Variants in SLC24A3 observed in about 807,000 individuals in gnomAD.
SLC24A3 encodes the protein sodium/potassium/calcium exchanger 3.
Under a neutral mutation model 75.8 loss-of-function variants are expected in SLC24A3, and 28 were observed. The observed-to-expected ratio is 0.37, with a 90% CI of 0.27 to 0.51. The LOEUF (loss-of-function observed/expected upper bound fraction) is 0.51, where lower values mean the gene tolerates loss of function less well. Ranked by LOEUF, SLC24A3 falls within the 20% of genes least tolerant of loss-of-function variation. SLC24A3 has a pLI of 0.94. For synonymous variants in SLC24A3, 372 were observed against 334.1 expected (o/e 1.11, Z -1.24); for missense variants, 663 against 847.8 (o/e 0.78, Z 2.71).
rs2030029344 is a variant in SLC24A3, at chr20:19,517,994, G to C, written c.348+2430G>C. 2.6e-5 allele frequency among the ~76,000 whole-genome samples: 4 copies of C among 152,292 alleles called. No homozygotes were observed. In the South Asian group the frequency reaches 8.3e-4, roughly 32 times the overall value. ...CCAGAATGTAAGCCCCAATAAAGAA[G>C]CCCCTTCGTACTGTGTCCAGCCATT... On this transcript the variant is annotated intron_variant, in intron 3 of 16. Coordinates refer to ENST00000328041, the MANE Select transcript of SLC24A3 (RefSeq NM_020689.4).
chr20:19,488,719 T>G (rs1988163494), intron 2 of SLC24A3, among the ~76,000 whole-genome samples: 1 of 152,206 alleles, frequency 6.6e-6, no homozygotes, highest in African/African-American at 2.4e-5. Flanking sequence ...TATTTGCATA[T>G]ACGTAATGAG....
intron 2 of SLC24A3, among the ~76,000 whole-genome samples, chr20:19,341,280 C>T (rs559210299): frequency 7.9e-5 from 12 of 152,258 alleles, no homozygotes; most frequent in South Asian, 2.1e-4. Context: ...TGACAATCCC[C>T]GGGAAAGCCA....
At chr20:19,543,005 G>A (rs1045408689) in intron 3 of SLC24A3, among the ~76,000 whole-genome samples, 7 of 152,288 alleles carry the variant, frequency 4.6e-5, no homozygotes, top group African/African-American at 1.7e-4. Context: ...GTTACATTAA[G>A]GTATGTGTTT....
intron 1 of SLC24A3, among the ~76,000 whole-genome samples, chr20:19,224,089 G>A (rs1981807460): frequency 1.3e-5 from 2 of 151,720 alleles, no homozygotes; most frequent in Non-Finnish European, 2.9e-5. Flanking sequence ...GGATAAATGA[G>A]GACTACTGTA....
At chr20:19,525,752 C>A (rs898076607) in intron 3 of SLC24A3, among the ~76,000 whole-genome samples, 1 of 152,160 alleles carries the variant, frequency 6.6e-6, no homozygotes, top group East Asian at 1.9e-4. Context: ...CAGATCCCAC[C>A]CAGCTGGGCC....
At chr20:19,250,052 A>G (rs1329422844) in intron 1 of SLC24A3, among the ~76,000 whole-genome samples, 2 of 152,164 alleles carry the variant, frequency 1.3e-5, no homozygotes, top group African/African-American at 2.4e-5. Flanking sequence ...CCAAGTGTAC[A>G]GAGGAGATGT....
At chr20:19,331,468 TAG>T (rs1984998582) in intron 2 of SLC24A3, among the ~76,000 whole-genome samples, 1 of 140,286 alleles carries the variant, frequency 7.1e-6, no homozygotes, top group Non-Finnish European at 1.5e-5. Flanking sequence ...AGAGAGATAA[TAG>T]ATAGAGATAG....
chr20:19,560,487 G>C (rs1197557631), intron 3 of SLC24A3, among the ~76,000 whole-genome samples: 1 of 152,224 alleles, frequency 6.6e-6, no homozygotes, highest in Non-Finnish European at 1.5e-5. Flanking sequence ...GTAGGAAGCT[G>C]TCATGGGTAG....
intron 3 of SLC24A3, among the ~76,000 whole-genome samples, chr20:19,549,205 C>CT (rs1465802276): frequency 3.2e-4 from 48 of 152,208 alleles, no homozygotes; most frequent in African/African-American, 1.1e-3. Context: ...CTGGGACATG[C>CT]TGTCTTTAGC....
At chr20:19,635,896 T>C (rs997734276) in intron 6 of SLC24A3, among the ~76,000 whole-genome samples, 1 of 152,100 alleles carries the variant, frequency 6.6e-6, no homozygotes, top group Non-Finnish European at 1.5e-5. Flanking sequence ...ATCCCAGCAC[T>C]TTGGGAGGCC....
intron 3 of SLC24A3, among the ~76,000 whole-genome samples, chr20:19,555,550 C>A (rs914892781): frequency 6.6e-6 from 1 of 152,208 alleles, no homozygotes; most frequent in Non-Finnish European, 1.5e-5. Flanking sequence ...CACTGGTCTA[C>A]AGAGACTTAA....
chr20:19,658,886 G>C (rs1488949999), intron 7 of SLC24A3, among the ~76,000 whole-genome samples: 1 of 152,114 alleles, frequency 6.6e-6, no homozygotes, highest in Non-Finnish European at 1.5e-5. Context: ...GGTATCTCCG[G>C]CCTCCCAGTC....
intron 6 of SLC24A3, among the ~76,000 whole-genome samples, chr20:19,605,031 C>T (rs1413066610): frequency 6.6e-6 from 1 of 152,148 alleles, no homozygotes; most frequent in African/African-American, 2.4e-5. Context: ...CCTTCCATCC[C>T]ATTTTGATAT....
intron 7 of SLC24A3, among the ~76,000 whole-genome samples, chr20:19,660,130 GTTC>G (rs2032310214): frequency 6.6e-6 from 1 of 152,068 alleles, no homozygotes; most frequent in Non-Finnish European, 1.5e-5. Flanking sequence ...GAAACTTGGG[GTTC>G]TTATTTTTTT....
intron 2 of SLC24A3, among the ~76,000 whole-genome samples, chr20:19,347,577 T>C (rs1161109333): frequency 6.6e-6 from 1 of 152,182 alleles, no homozygotes; most frequent in East Asian, 1.9e-4. Context: ...AGAAAAAAAT[T>C]ATGTAAATTG....
At chr20:19,665,792 CGTGT>C (rs58371474) in intron 7 of SLC24A3, 68 bp from the exon 8 acceptor site, 210,846 of 1,165,822 alleles carry the variant, frequency 0.18, 1,780 homozygotes, top group East Asian at 0.29. Flanking sequence ...AGCCTTAAAG[CGTGT>C]GTGTGTGTGT....
chr20:19,685,198 C>A lies in SLC24A3; in HGVS notation c.1161C>A (p.Pro387=). The change falls in exon 12 of 17, where the codon CCC becomes CCA. Residue 387 remains proline, a synonymous_variant. Coordinates refer to ENST00000328041, the MANE Select transcript of SLC24A3 (RefSeq NM_020689.4). ...ACACCGTGGAGAATGGGACAGGGCCCAGCAGTGCCCCAGACAGGGGCGTGA... is the reference window on the plus strand; with the variant it reads ...ACACCGTGGAGAATGGGACAGGGCCAAGCAGTGCCCCAGACAGGGGCGTGA... The part of the protein sequence containing the change: ...IKHTVENGTG[P]SSAPDRGVNG... The A allele has an allele frequency of 6.2e-7, 1 of 1,614,150 alleles. No homozygotes were observed. The highest frequency in any genetic ancestry group is 2.2e-5 in the East Asian group (1 of 44,870).
At chr20:19,321,017 C>G (rs1170644059) in intron 2 of SLC24A3, among the ~76,000 whole-genome samples, 4 of 151,904 alleles carry the variant, frequency 2.6e-5, no homozygotes, top group African/African-American at 9.7e-5. Context: ...TGTATTGTGT[C>G]TATATGCAGT....
At chr20:19,368,032 A>T (rs6112327) in intron 2 of SLC24A3, among the ~76,000 whole-genome samples, 79,804 of 152,158 alleles carry the variant, frequency 0.52, 22,152 homozygotes, top group African/African-American at 0.71. Context: ...GTAAAGGTAG[A>T]TATTCAAGTG....
Sources: gnomAD v4.1 joint callset for allele counts (sites outside exome capture counted in the v4.1 genomes callset) on GRCh38, gnomAD v4.1.1 for gene constraint, MANE v1.5 for transcripts, NCBI Gene and HGNC (gene_info 2026-07-23, HGNC 2026-07-21) for gene names.